The following MICAL3 variants were observed in gnomAD, a reference collection of about 807,000 sequenced individuals.
The protein encoded by MICAL3 is microtubule associated monooxygenase, calponin and LIM domain containing 3.
A neutral mutation model predicts 207.4 loss-of-function variants in MICAL3; 62 were observed. The observed-to-expected ratio is 0.30, with a 90% CI of 0.24 to 0.37. The LOEUF is 0.37. MICAL3 is among the 10% of genes least tolerant of loss of function. MICAL3 has a pLI of 1.00. For synonymous variants in MICAL3, 1,077 were observed against 1,069.3 expected, an observed-to-expected ratio of 1.01 and a Z score of -0.14; for missense variants, 2,368 against 2,635.6, an observed-to-expected ratio of 0.90 and a Z score of 2.22.
intron 1 of MICAL3, among the ~76,000 whole-genome samples, chr22:18,013,972 G>A (rs1032100121): frequency 2.6e-5 from 4 of 151,676 alleles, no homozygotes; most frequent in Non-Finnish European, 4.4e-5. Context: ...AATTTTTAAA[G>A]TTTTTGTAGA....
chr22:17,886,067 C>A lies in MICAL3; in HGVS notation c.2068-16G>T, dbSNP rs1235821051. 2 of 1,612,932 alleles carry A rather than the reference C, an allele frequency of 1.2e-6. No individual in the cohort carries two copies. The highest frequency in any genetic ancestry group is 1.7e-6 in the Non-Finnish European group (2 of 1,179,592). Reference sequence around the variant, plus strand: ...GAGCTTCCTCCTGGTCAATGCCAACCCCAAAGAACCCGGCGCTGTGACAGG... The same window carrying A: ...GAGCTTCCTCCTGGTCAATGCCAACACCAAAGAACCCGGCGCTGTGACAGG... On this transcript the variant is annotated splice_polypyrimidine_tract_variant and intron_variant, in intron 15 of 31. Coordinates refer to ENST00000441493, the MANE Select transcript of MICAL3 (RefSeq NM_015241.3).
intron 19 of MICAL3, among the ~76,000 whole-genome samples, chr22:17,842,766 C>T (rs1457778022): frequency 1.3e-5 from 2 of 152,200 alleles, no homozygotes; most frequent in Admixed American, 6.5e-5. Flanking sequence ...GTTTCAGCAT[C>T]GTCGGCGATC....
chr22:17,792,959 C>T (rs897936775), intron 29 of MICAL3, among the ~76,000 whole-genome samples: 2 of 152,262 alleles, frequency 1.3e-5, no homozygotes, highest in African/African-American at 4.8e-5. Flanking sequence ...GGAGGAGGGG[C>T]CCGAGGCATG....
intron 1 of MICAL3, among the ~76,000 whole-genome samples, chr22:17,936,396 C>T (rs1025953272): frequency 2.0e-5 from 3 of 151,800 alleles, no homozygotes; most frequent in Non-Finnish European, 4.4e-5. Flanking sequence ...GGACACAGGG[C>T]GGGGAACACC....
At chr22:17,948,586 A>C (rs1246080638) in intron 1 of MICAL3, among the ~76,000 whole-genome samples, 1 of 152,210 alleles carries the variant, frequency 6.6e-6, no homozygotes, top group Non-Finnish European at 1.5e-5. Flanking sequence ...GGAAGACAGA[A>C]TATGAGTCTC....
At chr22:17,996,938 AATGGCCTGGACACTAAAG>A (rs1439887636) in intron 1 of MICAL3, among the ~76,000 whole-genome samples, 11 of 152,220 alleles carry the variant, frequency 7.2e-5, no homozygotes, top group African/African-American at 2.2e-4. Flanking sequence ...GCTCAAGCAA[AATGGCCTGGACACTAAAG>A]ATGGCCTCTG....
At position 17,828,612 on chromosome 22, in the gene MICAL3, C is replaced by T. The variant is rs374607711; in HGVS notation, c.3056-831G>A. Among the ~76,000 whole-genome samples the T allele has an allele frequency of 7.2e-5, 11 of 152,332 alleles. No homozygotes were observed. The East Asian group carries it at 7.7e-4, about 11-fold the overall frequency. On this transcript the variant is annotated intron_variant, in intron 21 of 31. Transcript: ENST00000441493. ...GGTCAAAGCCCTCACCTGAGAACTC[C>T]ATGTGGTGCCCTGCTTATCACCTCT...
intron 1 of MICAL3, among the ~76,000 whole-genome samples, chr22:17,910,584 C>G (rs1002337485): frequency 7.9e-5 from 12 of 152,206 alleles, no homozygotes; most frequent in African/African-American, 2.9e-4. Context: ...GCTCCTGGAA[C>G]AATGCGACCG....
chr22:17,999,152 C>T (rs5746500), intron 1 of MICAL3, among the ~76,000 whole-genome samples: 2 of 152,274 alleles, frequency 1.3e-5, no homozygotes, highest in East Asian at 3.9e-4. Flanking sequence ...CATGTGAAAC[C>T]AACGACAACC....
intron 17 of MICAL3, among the ~76,000 whole-genome samples, chr22:17,869,408 C>G (rs549150803): frequency 6.6e-6 from 1 of 152,122 alleles, no homozygotes; most frequent in Non-Finnish European, 1.5e-5. Flanking sequence ...AGGCTCATCA[C>G]TGACGAGGGC....
At chr22:17,899,794 G>GT (rs1931169243) in intron 6 of MICAL3, among the ~76,000 whole-genome samples, 1 of 151,958 alleles carries the variant, frequency 6.6e-6, no homozygotes, top group Admixed American at 6.6e-5. Flanking sequence ...AAACAGAACT[G>GT]TTTTTACGGG....
chr22:17,864,107 G>A, intron 19 of MICAL3: 11 of 987,086 alleles, frequency 1.1e-5, no homozygotes, highest in Non-Finnish European at 1.3e-5. Flanking sequence ...GCTGAGAGAG[G>A]CCATTTTAAG....
intron 16 of MICAL3, among the ~76,000 whole-genome samples, chr22:17,877,396 G>GGGAGGTGAGGGAGGTTAT: frequency 2.7e-5 from 1 of 37,418 alleles, no homozygotes; most frequent in Non-Finnish European, 5.1e-5. Flanking sequence ...ATGGAGGTTA[G>GGGAGGTGAGGGAGGTTAT]GGAGGTTAGG....
intron 19 of MICAL3, among the ~76,000 whole-genome samples, chr22:17,853,106 T>TA (rs143975177): frequency 0.016 from 2,453 of 151,554 alleles, 67 homozygotes; most frequent in African/African-American, 0.056. Context: ...TTTAGCTTAA[T>TA]GTAAATCCTG....
chr22:17,857,944 C>A (rs1011505626), intron 19 of MICAL3, among the ~76,000 whole-genome samples: 2 of 152,234 alleles, frequency 1.3e-5, no homozygotes, highest in South Asian at 2.1e-4. Context: ...GTGATTCAAC[C>A]TCTTGCCCAC....
chr22:17,863,225 G>A (rs1179877488), intron 19 of MICAL3: 26 of 985,282 alleles, frequency 2.6e-5, no homozygotes, highest in Non-Finnish European at 3.1e-5. Context: ...ACTTCACTGT[G>A]TTTAATTCTT....
intron 19 of MICAL3, among the ~76,000 whole-genome samples, chr22:17,859,207 C>T (rs536655344): frequency 5.9e-5 from 9 of 152,262 alleles, no homozygotes; most frequent in African/African-American, 1.4e-4. Context: ...CTGTGGTTGT[C>T]GAGAATGCCA....
Position 17,872,023 on chromosome 22 carries a change from C to T in MICAL3, c.2242G>A (p.Gly748Ser). The part of the protein sequence containing the change: ...PAQSIGIRRQ[G>S]SMKKEFPQNL... ...TGCGGGAACTCCTTCTTCATGGAGC[C>T]CTGCAGGAGGTGGCGGTCGGGAGGA... is the stretch of plus-strand genomic sequence containing the variant. Residue 748 changes from glycine to serine, a missense_variant and splice_region_variant, in exon 17 of 32, where the codon GGC (glycine) becomes AGC (serine). Gly to Ser is a moderately conservative substitution (Grantham distance 56, BLOSUM62 0). Coordinates refer to ENST00000441493, the MANE Select transcript of MICAL3 (RefSeq NM_015241.3). 1 of 1,599,760 alleles carries T rather than the reference C, an allele frequency of 6.3e-7. No homozygotes were observed.
Position 17,900,780 on chromosome 22 carries a change from G to A in MICAL3, c.847+62C>T, listed in dbSNP as rs565046988. 3.3e-5 allele frequency: 50 copies of A among 1,537,386 alleles called. No homozygotes were observed. The African/African-American group carries it at 6.3e-4, about 19-fold the overall frequency. ...GCCACTCACCCCACCAATCCCCCAAGAAAAAGCCACCAGGGACTATTTAAG... is the reference window on the plus strand; with the variant it reads ...GCCACTCACCCCACCAATCCCCCAAAAAAAAGCCACCAGGGACTATTTAAG... On this transcript the variant is annotated intron_variant, in intron 6 of 31. Coordinates refer to ENST00000441493, the MANE Select transcript of MICAL3 (RefSeq NM_015241.3). This position sits in a 1 kb window ranked among gnomAD's most constrained non-coding sequence, Gnocchi z 4.0.
Sources: gnomAD v4.1 joint callset for allele counts (sites outside exome capture counted in the v4.1 genomes callset) on GRCh38, gnomAD v4.1.1 for gene constraint, Gnocchi (gnomAD v3.1) non-coding constraint, MANE v1.5 for transcripts, NCBI Gene and HGNC (gene_info 2026-07-23, HGNC 2026-07-21) for gene names.